The following AOPEP variants were observed in gnomAD, a reference collection of about 807,000 sequenced individuals.
The protein encoded by AOPEP is aminopeptidase O (putative), also known as aminopeptidase O.
In AOPEP, 77 loss-of-function variants were observed where a neutral mutation model predicts 98.1. The ratio of observed to expected loss-of-function variants is 0.78; its 90% confidence interval spans 0.65 to 0.95. The LOEUF (loss-of-function observed/expected upper bound fraction) is 0.95. Among genes scored for constraint, AOPEP ranks in the 40% least tolerant of loss-of-function variants. The probability of loss-of-function intolerance (pLI) is 0.00; values close to 1 mark genes in which losing one functional copy is unlikely to be tolerated. For synonymous variants in AOPEP, 346 were observed against 365.3 expected (o/e 0.95, Z 0.60); for missense variants, 1,024 against 1,024.7 (o/e 1.00, Z 0.01).
At chr9:94,904,897 T>G (rs560951919) in intron 5 of AOPEP, 4 of 152,222 alleles carry the variant, frequency 2.6e-5, no homozygotes, top group Non-Finnish European at 4.4e-5. Flanking sequence ...TGCCATAAAC[T>G]TGGTACAAAT....
At chr9:94,837,605 A>G (rs1416720466) in intron 5 of AOPEP, among the ~76,000 whole-genome samples, 2 of 152,258 alleles carry the variant, frequency 1.3e-5, no homozygotes, top group Non-Finnish European at 2.9e-5. Context: ...ATGGTTTAAC[A>G]TACGCAAGTC....
At chr9:94,748,799 T>C (rs2132150511) in intron 1 of AOPEP, among the ~76,000 whole-genome samples, 1 of 152,354 alleles carries the variant, frequency 6.6e-6, no homozygotes, top group Non-Finnish European at 1.5e-5. Context: ...TGTTTCCTCA[T>C]GCTTACACTG....
the AOPEP span, among the ~76,000 whole-genome samples, chr9:95,097,537 G>C: frequency 1.3e-5 from 2 of 152,236 alleles, no homozygotes; most frequent in Non-Finnish European, 2.9e-5. Context: ...GGCCTTGCCA[G>C]AGCATCTGAA....
At chr9:94,886,195 A>AT (rs113288943) in intron 5 of AOPEP, among the ~76,000 whole-genome samples, 7,063 of 152,280 alleles carry the variant, frequency 0.046, 465 homozygotes, top group African/African-American at 0.14. Flanking sequence ...AGCAGAAGCC[A>AT]GGGCATCTGT....
At chr9:95,042,618 C>A (rs1307413223) in intron 13 of AOPEP, among the ~76,000 whole-genome samples, 2 of 152,190 alleles carry the variant, frequency 1.3e-5, no homozygotes, top group Non-Finnish European at 2.9e-5. Context: ...GAATCTAGTT[C>A]CTGGCCTTGT....
intron 13 of AOPEP, chr9:95,006,051 A>G (rs1564513008): frequency 2.1e-6 from 1 of 472,918 alleles, no homozygotes; most frequent in South Asian, 1.5e-5. Context: ...AAAGAAGTGG[A>G]TTACTTTTAA....
chr9:94,926,261 T>G (rs568135159), intron 6 of AOPEP, among the ~76,000 whole-genome samples: 2 of 152,250 alleles, frequency 1.3e-5, no homozygotes, highest in Non-Finnish European at 2.9e-5. Context: ...CATAGAGAAG[T>G]AAACACTAAA....
Position 94,760,578 on chromosome 9 carries a change from C to T in AOPEP, c.795C>T (p.Gly265=). Residue 265 remains glycine, a splice_region_variant and synonymous_variant, in exon 2 of 17, where the codon GGC becomes GGT. Transcript: ENST00000375315. ...TTACATGGACCTCAGACCAGAGTGG[C>T]AGGTAGGTTATCCAAGCACTTCAAA... ...RSVTWTSDQS[G]RPCVYTVGSP... 1 of 1,533,404 alleles carries T rather than the reference C, an allele frequency of 6.5e-7. No individual in the cohort carries two copies. Among genetic ancestry groups the T allele is most frequent in the Non-Finnish European group, 8.7e-7 (1 of 1,144,296 alleles). The allele number at this position is 1,533,404 out of a possible 1,614,324, so 95.0% of individuals were successfully genotyped here. A position where few individuals can be genotyped will look rare whatever the true frequency, so the allele number is the denominator to read the frequency against.
chr9:94,756,159 C>G (rs1051771744), intron 1 of AOPEP, among the ~76,000 whole-genome samples: 13 of 151,376 alleles, frequency 8.6e-5, no homozygotes, highest in Non-Finnish European at 1.8e-4. Flanking sequence ...ACTTGGGAGG[C>G]TGAGGCAGGA....
chr9:95,121,977 C>A, the AOPEP span, among the ~76,000 whole-genome samples: 1 of 151,854 alleles, frequency 6.6e-6, no homozygotes, highest in Non-Finnish European at 1.5e-5. Flanking sequence ...CCTGCCTCAG[C>A]CTCCTGAGTA....
chr9:95,001,830 T>A (rs1189912738), intron 11 of AOPEP, among the ~76,000 whole-genome samples: 1 of 152,108 alleles, frequency 6.6e-6, no homozygotes, highest in African/African-American at 2.4e-5. Context: ...CAGGCTGGAG[T>A]GCAGTGGTGC....
chr9:94,922,811 G>C (rs1286424947), intron 5 of AOPEP, among the ~76,000 whole-genome samples: 2 of 152,204 alleles, frequency 1.3e-5, no homozygotes, highest in African/African-American at 2.4e-5. Flanking sequence ...TACTTCACAT[G>C]AAAGCTGTCT....
At chr9:94,905,382 A>G (rs1188100149) in intron 5 of AOPEP, among the ~76,000 whole-genome samples, 1 of 152,222 alleles carries the variant, frequency 6.6e-6, no homozygotes, top group African/African-American at 2.4e-5. Flanking sequence ...CATTATAAAC[A>G]CAGTTATGGT....
chr9:94,822,859 G>T (rs1379850487), intron 5 of AOPEP, among the ~76,000 whole-genome samples: 1 of 152,162 alleles, frequency 6.6e-6, no homozygotes, highest in Admixed American at 6.5e-5. Flanking sequence ...TGAGGAAACT[G>T]AGAAAAGAGT....
chr9:95,115,910 G>T, the AOPEP span, among the ~76,000 whole-genome samples: 7 of 152,146 alleles, frequency 4.6e-5, no homozygotes, highest in Admixed American at 6.5e-5. Flanking sequence ...TTCACAATGG[G>T]TATGAAATAA....
At chr9:94,888,294 CGTGTGTGTGTGTGTGT>C (rs59342995) in intron 5 of AOPEP, among the ~76,000 whole-genome samples, 2 of 137,590 alleles carry the variant, frequency 1.5e-5, no homozygotes, top group African/African-American at 2.7e-5. Context: ...AGAACCTTAC[CGTGTGTGTGTGTGTGT>C]GTGTGTGTGT....
chr9:94,985,052 A>T (rs2060430858), intron 11 of AOPEP, among the ~76,000 whole-genome samples: 1 of 152,272 alleles, frequency 6.6e-6, no homozygotes, highest in African/African-American at 2.4e-5. Flanking sequence ...ACACCGCCTC[A>T]GGTGAACCTC....
intron 9 of AOPEP, among the ~76,000 whole-genome samples, chr9:94,957,303 AT>A (rs1451666948): frequency 6.6e-6 from 1 of 151,950 alleles, no homozygotes; most frequent in Non-Finnish European, 1.5e-5. Flanking sequence ...CACCTCCCAG[AT>A]TCAAGTGATT....
At chr9:94,987,564 G>A (rs1041699969) in intron 11 of AOPEP, among the ~76,000 whole-genome samples, 4 of 152,188 alleles carry the variant, frequency 2.6e-5, no homozygotes, top group Non-Finnish European at 1.5e-5. Context: ...AAGGGTGGGG[G>A]CAAGAATCCT....
Sources: gnomAD v4.1 joint callset for allele counts (sites outside exome capture counted in the v4.1 genomes callset) on GRCh38, gnomAD v4.1.1 for gene constraint, MANE v1.5 for transcripts, NCBI Gene and HGNC (gene_info 2026-07-23, HGNC 2026-07-21) for gene names.